TBC1D19: variants seen among roughly 807,000 people sequenced by gnomAD.
TBC1D19 encodes TBC1 domain family, member 19.
In TBC1D19, 60 loss-of-function variants were observed where a neutral mutation model predicts 89.0. The observed-to-expected ratio is 0.67, with a 90% CI of 0.55 to 0.84. TBC1D19 has a LOEUF of 0.84. Ranked by LOEUF, TBC1D19 falls within the 40% of genes least tolerant of loss-of-function variation. The pLI is 0.00. For missense variants in TBC1D19, 500 were observed against 610.8 expected, an observed-to-expected ratio of 0.82 and a Z score of 1.91; for synonymous variants, 189 against 199.7, an observed-to-expected ratio of 0.95 and a Z score of 0.45.
At chr4:26,778,966 C>G in the TBC1D19 span, among the ~76,000 whole-genome samples, 8 of 152,200 alleles carry the variant, frequency 5.3e-5, no homozygotes, top group Non-Finnish European at 1.5e-5. Context: ...ATCCGAATCT[C>G]TGGGGATGGA....
At chr4:26,851,250 T>C in the TBC1D19 span, among the ~76,000 whole-genome samples, 2 of 150,892 alleles carry the variant, frequency 1.3e-5, no homozygotes, top group East Asian at 3.9e-4. Context: ...AGAGGGCCTG[T>C]CATGGGATTT....
At chr4:26,614,241 G>A (rs1372831955) in intron 2 of TBC1D19, among the ~76,000 whole-genome samples, 167 bp from the exon 3 acceptor site, 1 of 152,302 alleles carries the variant, frequency 6.6e-6, no homozygotes, top group African/African-American at 2.4e-5. Context: ...TATGGTAAGT[G>A]TATAGGAAAT....
intron 13 of TBC1D19, among the ~76,000 whole-genome samples, chr4:26,710,921 G>T (rs1419395044): frequency 6.6e-6 from 1 of 152,152 alleles, no homozygotes; most frequent in Non-Finnish European, 1.5e-5. Context: ...GTAGATTCTG[G>T]ATGTTAGCCC....
chr4:26,811,144 A>G, the TBC1D19 span, among the ~76,000 whole-genome samples: 1 of 152,248 alleles, frequency 6.6e-6, no homozygotes, highest in Non-Finnish European at 1.5e-5. Flanking sequence ...AGAAAAGGTT[A>G]CACATATACA....
chr4:26,581,778 A>G (rs1048835591), upstream of TBC1D19, among the ~76,000 whole-genome samples: 1 of 152,154 alleles, frequency 6.6e-6, no homozygotes, highest in African/African-American at 2.4e-5. Flanking sequence ...TGGGACTGAA[A>G]TTTCTTGAAA....
intron 15 of TBC1D19, 75 bp downstream of exon 15, chr4:26,720,200 T>G (rs921028677): frequency 1.8e-6 from 2 of 1,100,172 alleles, no homozygotes; most frequent in Non-Finnish European, 2.6e-6. Flanking sequence ...TGTGACTTTC[T>G]TATTCTCTTT....
intron 15 of TBC1D19, among the ~76,000 whole-genome samples, chr4:26,729,614 T>C (rs1436306944): frequency 6.6e-6 from 1 of 152,186 alleles, no homozygotes; most frequent in Non-Finnish European, 1.5e-5. Flanking sequence ...AGTTCAGAGC[T>C]ATCAAACTGT....
At chr4:26,709,809 T>C (rs1166329897) in intron 13 of TBC1D19, among the ~76,000 whole-genome samples, 1 of 152,022 alleles carries the variant, frequency 6.6e-6, no homozygotes, top group Non-Finnish European at 1.5e-5. Context: ...AACAGATTCT[T>C]GGTGCTTCCT....
intron 15 of TBC1D19, among the ~76,000 whole-genome samples, chr4:26,722,473 T>TG (rs1717042305): frequency 6.6e-6 from 1 of 152,058 alleles, no homozygotes; most frequent in Non-Finnish European, 1.5e-5. Context: ...GATATAGATA[T>TG]GAAAAAATAG....
At chr4:26,607,570 C>T (rs1741090710) in intron 1 of TBC1D19, among the ~76,000 whole-genome samples, 1 of 152,132 alleles carries the variant, frequency 6.6e-6, no homozygotes, top group Non-Finnish European at 1.5e-5. Flanking sequence ...CCAAATCCCA[C>T]TCTCATTTAG....
intron 11 of TBC1D19, among the ~76,000 whole-genome samples, chr4:26,681,503 A>G (rs1713341314): frequency 6.6e-6 from 1 of 152,088 alleles, no homozygotes; most frequent in Non-Finnish European, 1.5e-5. Context: ...GTGCACCGAG[A>G]TCGTGCCACT....
intron 13 of TBC1D19, among the ~76,000 whole-genome samples, chr4:26,697,736 T>C (rs1182633966): frequency 6.6e-6 from 1 of 152,122 alleles, no homozygotes; most frequent in Admixed American, 6.5e-5. Flanking sequence ...AAATCCAGCA[T>C]ATAAACAGAA....
chr4:26,604,803 C>A (rs1740871565), intron 1 of TBC1D19, among the ~76,000 whole-genome samples: 1 of 151,810 alleles, frequency 6.6e-6, no homozygotes, highest in African/African-American at 2.4e-5. Context: ...ATGGCGTGAA[C>A]CCGGGAGGCG....
intron 13 of TBC1D19, among the ~76,000 whole-genome samples, chr4:26,698,950 T>C (rs955267669): frequency 2.0e-5 from 3 of 152,196 alleles, no homozygotes; most frequent in Non-Finnish European, 4.4e-5. Context: ...GACATAGGCA[T>C]GGGCAAGGAC....
intron 15 of TBC1D19, among the ~76,000 whole-genome samples, chr4:26,723,013 G>C (rs1219330384): frequency 6.6e-6 from 1 of 152,110 alleles, no homozygotes; most frequent in Non-Finnish European, 1.5e-5. Context: ...GGGAAGAAAG[G>C]AAAGTAGTTA....
At chr4:26,844,243 C>T in the TBC1D19 span, among the ~76,000 whole-genome samples, 89 of 152,208 alleles carry the variant, frequency 5.8e-4, no homozygotes, top group African/African-American at 1.7e-3. Flanking sequence ...CTTTAGGGGA[C>T]GAGTTGAGAA....
At chr4:26,770,057 GA>G in the TBC1D19 span, among the ~76,000 whole-genome samples, 4 of 144,882 alleles carry the variant, frequency 2.8e-5, no homozygotes, top group Non-Finnish European at 6.1e-5. Flanking sequence ...AACAGATGGA[GA>G]AAAATAGAAA....
chr4:26,711,513 T>C (rs1716187540), intron 13 of TBC1D19, among the ~76,000 whole-genome samples: 1 of 152,088 alleles, frequency 6.6e-6, no homozygotes, highest in African/African-American at 2.4e-5. Flanking sequence ...TTACCATAAA[T>C]ATATTTTCTA....
At chr4:26,654,199 G>A (rs1744618444) in intron 7 of TBC1D19, among the ~76,000 whole-genome samples, 1 of 152,118 alleles carries the variant, frequency 6.6e-6, no homozygotes, top group Middle Eastern at 3.2e-3. Flanking sequence ...TTGAATATTG[G>A]CCCCCACTCT....
Sources: gnomAD v4.1 joint callset for allele counts (sites outside exome capture counted in the v4.1 genomes callset) on GRCh38, gnomAD v4.1.1 for gene constraint, MANE v1.5 for transcripts, NCBI Gene and HGNC (gene_info 2026-07-23, HGNC 2026-07-21) for gene names.